The following GPI variants were observed in gnomAD, a reference collection of about 807,000 sequenced individuals.
The protein encoded by GPI is D-hexose-6-phosphate anomerase.
Under a neutral mutation model 75.8 loss-of-function variants are expected in GPI, and 56 were observed. The observed-to-expected ratio is 0.74, with a 90% CI of 0.60 to 0.92. The LOEUF (loss-of-function observed/expected upper bound fraction) is 0.92, where lower values mean the gene tolerates loss of function less well. Ranked by LOEUF, GPI falls within the 40% of genes least tolerant of loss-of-function variation. The pLI, the probability that GPI is intolerant of heterozygous loss-of-function variation, is 0.00. For synonymous variants in GPI, 288 were observed against 285.4 expected (o/e 1.01, Z -0.09); for missense variants, 638 against 741.0 (o/e 0.86, Z 1.61).
At chr19:34,384,655 G>T (rs922113043) in intron 9 of GPI, among the ~76,000 whole-genome samples, 5 of 152,166 alleles carry the variant, frequency 3.3e-5, no homozygotes, top group Non-Finnish European at 5.9e-5. Flanking sequence ...AGGATATGAA[G>T]TGAAGGCAGG....
chr19:34,379,089 G>A lies in GPI; in HGVS notation c.705+84G>A, dbSNP rs373961316. The A allele has an allele frequency of 1.3e-3, 1,527 of 1,177,306 alleles. 3 individuals carry two copies. The highest frequency in any genetic ancestry group is 4.2e-3 in the Middle Eastern group (22 of 5,246). 72.9% of individuals were successfully genotyped at this position (1,177,306 alleles called of 1,614,324 possible). On this transcript the variant is annotated intron_variant, in intron 7 of 17. Coordinates refer to ENST00000356487, the MANE Select transcript of GPI (RefSeq NM_000175.5). ...GGCCCCTGAGTGACCAAGTCTGGCC[G>A]TGTTTCTCCTGAAGTTGGAAGTGAA...
chr19:34,400,244 T>G lies in GPI; in HGVS notation c.*208T>G, dbSNP rs746884370. 5 of 630,508 alleles carry G rather than the reference T, an allele frequency of 7.9e-6. No homozygotes were observed. The highest frequency in any genetic ancestry group is 1.4e-5 in the Non-Finnish European group (5 of 353,360). The allele number at this position is 630,508 out of a possible 1,614,324, so 39.1% of individuals were successfully genotyped here. A position where few individuals can be genotyped will look rare whatever the true frequency, so the allele number is the denominator to read the frequency against. ...ATGCTCCCTCTGTGTTAGAATTGGC[T>G]GAAGTGTTTTTGTGCAGCTGACTTT... On this transcript the variant is annotated 3_prime_UTR_variant, in exon 18 of 18. Transcript: ENST00000356487.
Position 34,379,535 on chromosome 19 carries a change from G to C in GPI, c.723G>C (p.Lys241Asn). 1 of 1,614,128 alleles carries C rather than the reference G, an allele frequency of 6.2e-7. No homozygotes were observed. Among genetic ancestry groups the C allele is most frequent in the Non-Finnish European group, 8.5e-7 (1 of 1,179,948 alleles). Reference protein sequence around the residue: ...QAAKDPSAVAKHFVALSTNTT... With the variant: ...QAAKDPSAVANHFVALSTNTT... ...TCTTGTAGCCTTCTGCAGTGGCGAA[G>C]CACTTTGTTGCCCTGTCTACTAACA... The change falls in exon 8 of 18, where the codon AAG (lysine) becomes AAC (asparagine). Residue 241 changes from lysine (K) to asparagine (N), a missense_variant. Coordinates refer to ENST00000356487, the MANE Select transcript of GPI (RefSeq NM_000175.5).
At position 34,393,003 on chromosome 19, in the gene GPI, A is replaced by G; in HGVS notation, c.805-245A>G. On this transcript the variant is annotated intron_variant, in intron 9 of 17. Transcript: ENST00000356487. The surrounding 1 kb of genome is among the most constrained non-coding windows in gnomAD (Gnocchi z 4.4). Reference sequence around the variant, plus strand: ...CTGGTGTCTGCAGAGACAGGGCCCGACATCTCAGGGAAGACCACGGTAAGC... The same window carrying G: ...CTGGTGTCTGCAGAGACAGGGCCCGGCATCTCAGGGAAGACCACGGTAAGC... 1.8e-6 allele frequency: 1 copy of G among 560,674 alleles called. No individual in the cohort carries two copies. Among genetic ancestry groups the G allele is most frequent in the Non-Finnish European group, 3.2e-6 (1 of 308,024 alleles). 34.7% of individuals were successfully genotyped at this position (560,674 alleles called of 1,614,324 possible).
chr19:34,394,873 C>T (rs2074922548), intron 12 of GPI, among the ~76,000 whole-genome samples: 3 of 152,112 alleles, frequency 2.0e-5, no homozygotes, highest in Admixed American at 6.6e-5. Flanking sequence ...ACCACCTTGC[C>T]TGGCTAATTT....
At chr19:34,387,691 G>A (rs1350631670) in intron 9 of GPI, among the ~76,000 whole-genome samples, 1 of 152,134 alleles carries the variant, frequency 6.6e-6, no homozygotes, top group Non-Finnish European at 1.5e-5. Context: ...GCTCAGTGCT[G>A]GTATGTTGAC....
At chr19:34,375,017 A>G (rs767901878) in intron 4 of GPI, among the ~76,000 whole-genome samples, 4 of 151,842 alleles carry the variant, frequency 2.6e-5, no homozygotes, top group Admixed American at 6.6e-5. Flanking sequence ...GGCATGAGCC[A>G]CTGAGTCCGG....
intron 4 of GPI, among the ~76,000 whole-genome samples, chr19:34,375,221 C>T (rs981094781): frequency 6.6e-6 from 1 of 151,314 alleles, no homozygotes; most frequent in Non-Finnish European, 1.5e-5. Context: ...CCACTCACTG[C>T]AACCTCTGCC....
At chr19:34,375,589 A>T (rs977933942) in intron 4 of GPI, among the ~76,000 whole-genome samples, 5 of 152,152 alleles carry the variant, frequency 3.3e-5, no homozygotes, top group African/African-American at 4.8e-5. Flanking sequence ...GGAAGTTTTG[A>T]TGGGTTTGGA....
chr19:34,371,102 C>T (rs1170153022), intron 4 of GPI, among the ~76,000 whole-genome samples: 1 of 152,250 alleles, frequency 6.6e-6, no homozygotes, highest in African/African-American at 2.4e-5. Flanking sequence ...TCAGCCATGC[C>T]ACATGGCGAG....
At chr19:34,378,906 C>A (rs751367833) in intron 6 of GPI, 28 bp from the exon 7 acceptor site, 1 of 1,590,622 alleles carries the variant, frequency 6.3e-7, no homozygotes, top group Non-Finnish European at 8.6e-7. Flanking sequence ...TAAGCTCGGG[C>A]GCCCACTGCT....
rs781309869 is a variant in GPI, at chr19:34,393,864, C to T, written c.910-50C>T. The T allele has an allele frequency of 1.2e-6, 2 of 1,607,592 alleles. No individual in the cohort carries two copies. Among genetic ancestry groups the T allele is most frequent in the East Asian group, 2.2e-5 (1 of 44,852 alleles). ...CTTTCTCCCCCACTGTCCTGTCCCT[C>T]CCCTCCCCGTGCAGCTGCTCAGCTC... On this transcript the variant is annotated intron_variant, in intron 11 of 17. Transcript: ENST00000356487. This position sits in a 1 kb window ranked among gnomAD's most constrained non-coding sequence, Gnocchi z 4.4.
At chr19:34,383,306 G>A (rs1262956839) in intron 9 of GPI, among the ~76,000 whole-genome samples, 3 of 152,214 alleles carry the variant, frequency 2.0e-5, no homozygotes, top group African/African-American at 7.2e-5. Context: ...CCATAGGTCT[G>A]TGAATTCCAG....
At chr19:34,361,123 G>C (rs555283113), upstream of GPI, among the ~76,000 whole-genome samples, 4 of 150,026 alleles carry the variant, frequency 2.7e-5, no homozygotes, top group African/African-American at 9.8e-5. Context: ...ACAGAGTCTC[G>C]CTCTGTCGCC....
At position 34,377,474 on chromosome 19, in the gene GPI, G is replaced by T. The variant is rs769583352; in HGVS notation, c.403-29G>T. 73 of 1,545,708 alleles carry T rather than the reference G, an allele frequency of 4.7e-5. 1 individual carries two copies. In the East Asian group the frequency reaches 1.6e-3, roughly 34 times the overall value. On this transcript the variant is annotated intron_variant, in intron 4 of 17. Coordinates refer to ENST00000356487, the MANE Select transcript of GPI (RefSeq NM_000175.5). The stretch of plus-strand genomic sequence containing the variant: ...GCAGCGGATTATGCCTGGGGGTTTG[G>T]GCTGATGGCATCTTCGCCCCTGTGC...
In GPI at chr19:34,402,339, A is replaced by G. The variant is rs576623556; in HGVS notation, c.*2303A>G. 2 of 152,306 alleles carry G rather than the reference A, an allele frequency of 1.3e-5. No homozygotes were observed. Among genetic ancestry groups the G allele is most frequent in the South Asian group, 4.1e-4 (2 of 4,830 alleles). 9.4% of individuals were successfully genotyped at this position (152,306 alleles called of 1,614,324 possible). A position where few individuals can be genotyped will look rare whatever the true frequency, so the allele number is the denominator to read the frequency against. Reference sequence around the variant, plus strand: ...TACTTAAACCCCAGATTTTCTACACAGGGCACTTGCTTGAGCCTCATCCCG... The same window carrying G: ...TACTTAAACCCCAGATTTTCTACACGGGGCACTTGCTTGAGCCTCATCCCG... On this transcript the variant is annotated 3_prime_UTR_variant, in exon 18 of 18. Transcript: ENST00000356487.
At chr19:34,371,613 G>C (rs920898623) in intron 4 of GPI, among the ~76,000 whole-genome samples, 1 of 151,716 alleles carries the variant, frequency 6.6e-6, no homozygotes, top group Non-Finnish European at 1.5e-5. Flanking sequence ...CACCTTGGGA[G>C]GCCGAGGTGG....
chr19:34,366,308 CCA>C, intron 1 of GPI, 35 bp from the exon 2 acceptor site: 2 of 1,323,662 alleles, frequency 1.5e-6, no homozygotes, highest in Non-Finnish European at 2.2e-6. Flanking sequence ...GCTAGGGAGA[CCA>C]GGGTGTGGTC....
chr19:34,374,367 GCCAGGAGACAAGGA>G (rs906092215), intron 4 of GPI, among the ~76,000 whole-genome samples: 1 of 152,096 alleles, frequency 6.6e-6, no homozygotes, highest in Non-Finnish European at 1.5e-5. Flanking sequence ...GTGGGTTAAT[GCCAGGAGACAAGGA>G]CCACTGGTCA....
Sources: allele counts gnomAD v4.1 joint callset (sites outside exome capture counted in the v4.1 genomes callset), GRCh38; gene constraint gnomAD v4.1.1; non-coding constraint Gnocchi (gnomAD v3.1); transcripts MANE v1.5; gene names NCBI Gene and HGNC (gene_info 2026-07-23, HGNC 2026-07-21).